Variants in FHIT observed in about 807,000 individuals in gnomAD.
FHIT encodes fragile histidine triad diadenosine triphosphatase.
Under a neutral mutation model 17.9 loss-of-function variants are expected in FHIT, and 19 were observed. The ratio of observed to expected loss-of-function variants is 1.06; its 90% CI spans 0.74 to 1.56. The LOEUF (loss-of-function observed/expected upper bound fraction) is 1.56, where lower values mean the gene tolerates loss of function less well. Ranked by LOEUF, FHIT falls within the 40% of genes most tolerant of loss-of-function variation. The pLI, the probability that FHIT is intolerant of heterozygous loss-of-function variation, is 0.00. For synonymous variants in FHIT, 81 were observed against 69.7 expected (o/e 1.16, Z -0.81); for missense variants, 248 against 189.2 (o/e 1.31, Z -1.82).
At chr3:60,490,670 C>CAAAA (rs2034025170) in intron 5 of FHIT, among the ~76,000 whole-genome samples, 2 of 130,152 alleles carry the variant, frequency 1.5e-5, no homozygotes, top group South Asian at 2.9e-4. Context: ...TTGATTTGTA[C>CAAAA]CAAAAAAAAA....
At chr3:60,842,645 A>ATATTTT (rs1396703397) in intron 3 of FHIT, among the ~76,000 whole-genome samples, 21 of 94,586 alleles carry the variant, frequency 2.2e-4, no homozygotes, top group African/African-American at 8.3e-4. Flanking sequence ...ATATATATAT[A>ATATTTT]TTTTTTTTTT....
chr3:60,968,978 T>C (rs990977080), intron 3 of FHIT, among the ~76,000 whole-genome samples: 1 of 152,174 alleles, frequency 6.6e-6, no homozygotes, highest in Non-Finnish European at 1.5e-5. Context: ...ACCAATGTTT[T>C]GGCTAGGATT....
chr3:60,312,836 A>G (rs1461952054), intron 5 of FHIT, among the ~76,000 whole-genome samples: 1 of 152,208 alleles, frequency 6.6e-6, no homozygotes, highest in African/African-American at 2.4e-5. Context: ...AATTCTTGAA[A>G]ATGTTTAAAA....
At chr3:60,810,615 T>A (rs1701544246) in intron 4 of FHIT, among the ~76,000 whole-genome samples, 1 of 152,200 alleles carries the variant, frequency 6.6e-6, no homozygotes, top group African/African-American at 2.4e-5. Flanking sequence ...ATTCCAACTG[T>A]ATTGGCAAAG....
intron 5 of FHIT, among the ~76,000 whole-genome samples, chr3:60,526,811 A>G (rs976613448): frequency 7.2e-5 from 11 of 152,294 alleles, no homozygotes; most frequent in East Asian, 3.9e-4. Context: ...TCGTAGCATC[A>G]AGCCAAAGAA....
In FHIT at chr3:60,918,634, G is replaced by A. The variant is rs2107303344; in HGVS notation, c.-110-96623C>T. On this transcript the variant is annotated intron_variant, in intron 3 of 9. Coordinates refer to ENST00000492590, the MANE Select transcript of FHIT (RefSeq NM_002012.4). Reference sequence around the variant, plus strand: ...AAGATCTGGGAAAGGAAACCAGGAGGAAGAAGGCATTTGGGGTGAGAGCAC... The same window carrying A: ...AAGATCTGGGAAAGGAAACCAGGAGAAAGAAGGCATTTGGGGTGAGAGCAC... Among the ~76,000 whole-genome samples the A allele has an allele frequency of 1.3e-5, 2 of 152,266 alleles. 1 individual carries two copies. The highest frequency in any genetic ancestry group is 4.2e-4 in the South Asian group (2 of 4,814).
chr3:60,618,544 C>A (rs544327261), intron 4 of FHIT, among the ~76,000 whole-genome samples: 1 of 152,138 alleles, frequency 6.6e-6, no homozygotes, highest in Non-Finnish European at 1.5e-5. Flanking sequence ...CTTGGTTTTC[C>A]GTTCCTGCGT....
At chr3:60,579,466 T>C (rs999754084) in intron 4 of FHIT, among the ~76,000 whole-genome samples, 1 of 152,106 alleles carries the variant, frequency 6.6e-6, no homozygotes, top group Admixed American at 6.6e-5. Flanking sequence ...TTCTTGATCA[T>C]AAAAATAAAG....
intron 4 of FHIT, among the ~76,000 whole-genome samples, chr3:60,642,254 C>CG (rs1227784850): frequency 6.6e-6 from 1 of 152,144 alleles, no homozygotes; most frequent in African/African-American, 2.4e-5. Context: ...GCTAGGAAGG[C>CG]GGGGGATGGA....
Position 60,326,209 on chromosome 3 carries a change from A to G in FHIT, c.103+210651T>C, listed in dbSNP as rs138113411. The stretch of plus-strand genomic sequence containing the variant: ...TTCAAGTGCATTACATTTATTGTGC[A>G]TTTTATTTATATTATTATTACATTG... On this transcript the variant is annotated intron_variant, in intron 5 of 9. Coordinates refer to ENST00000492590, the MANE Select transcript of FHIT (RefSeq NM_002012.4). Among the ~76,000 whole-genome samples the G allele has an allele frequency of 4.3e-3, 652 of 152,228 alleles. 2 individuals are homozygous for G. Among genetic ancestry groups the G allele is most frequent in the African/African-American group, 0.014 (589 of 41,528 alleles).
At chr3:60,368,471 T>A (rs1576548818) in intron 5 of FHIT, among the ~76,000 whole-genome samples, 1 of 152,052 alleles carries the variant, frequency 6.6e-6, no homozygotes, top group African/African-American at 2.4e-5. Context: ...GGCACTCTGT[T>A]GAAATATTTC....
At chr3:60,486,284 A>G (rs1420043967) in intron 5 of FHIT, among the ~76,000 whole-genome samples, 3 of 152,200 alleles carry the variant, frequency 2.0e-5, no homozygotes, top group African/African-American at 7.2e-5. Context: ...TTTTTTAATT[A>G]GAGGAAGAGA....
At chr3:60,863,441 G>C (rs1704011545) in intron 3 of FHIT, among the ~76,000 whole-genome samples, 1 of 152,162 alleles carries the variant, frequency 6.6e-6, no homozygotes, top group African/African-American at 2.4e-5. Flanking sequence ...ATCATAGTTT[G>C]TTATGACAGT....
intron 5 of FHIT, among the ~76,000 whole-genome samples, chr3:60,332,433 C>G (rs752104683): frequency 6.6e-6 from 1 of 152,166 alleles, no homozygotes; most frequent in African/African-American, 2.4e-5. Flanking sequence ...AGTATCATCA[C>G]AGAAAGAAAC....
At chr3:60,404,735 G>C (rs141034170) in intron 5 of FHIT, among the ~76,000 whole-genome samples, 1 of 152,148 alleles carries the variant, frequency 6.6e-6, no homozygotes, top group Non-Finnish European at 1.5e-5. Context: ...TTTGTTGAAT[G>C]TAAGTTTTTA....
At chr3:59,998,062 G>A (rs1430121136) in intron 7 of FHIT, among the ~76,000 whole-genome samples, 5 of 151,998 alleles carry the variant, frequency 3.3e-5, no homozygotes, top group Admixed American at 6.6e-5. Context: ...CTGACTGCCC[G>A]TAGAAATCTG....
chr3:60,893,537 C>T lies in FHIT; in HGVS notation c.-110-71526G>A, dbSNP rs566504601. Among the ~76,000 whole-genome samples, 9 of 152,300 alleles carry T rather than the reference C, an allele frequency of 5.9e-5. 1 individual carries two copies. The South Asian group carries it at 1.9e-3, about 32-fold the overall frequency. On this transcript the variant is annotated intron_variant, in intron 3 of 9. Transcript: ENST00000492590. ...TAGCCAATATTTACTGATTACTCTA[C>T]TCTGTAGATGCCAAGAAAGCCATAC... is the stretch of plus-strand genomic sequence containing the variant.
chr3:60,453,700 A>G (rs2031898540), intron 5 of FHIT, among the ~76,000 whole-genome samples: 1 of 152,196 alleles, frequency 6.6e-6, no homozygotes, highest in Non-Finnish European at 1.5e-5. Context: ...TCTCTCCCTC[A>G]CAAGTTGTGA....
At chr3:59,926,962 T>G (rs1234133930) in intron 7 of FHIT, among the ~76,000 whole-genome samples, 1 of 152,190 alleles carries the variant, frequency 6.6e-6, no homozygotes, top group Non-Finnish European at 1.5e-5. Flanking sequence ...CTCAGAATTC[T>G]GATCCTAATA....
Sources: gnomAD v4.1 joint callset for allele counts (sites outside exome capture counted in the v4.1 genomes callset) on GRCh38, gnomAD v4.1.1 for gene constraint, MANE v1.5 for transcripts, NCBI Gene and HGNC (gene_info 2026-07-23, HGNC 2026-07-21) for gene names.